SYNRG: variants seen among roughly 807,000 people sequenced by gnomAD.
SYNRG encodes the protein synergin gamma, also known as AP1 gamma subunit binding protein 1.
In SYNRG, 37 loss-of-function variants were observed where a neutral mutation model predicts 130.9. The observed-to-expected ratio is 0.28, with a 90% CI of 0.22 to 0.37. The LOEUF is 0.37. SYNRG is among the 10% of genes least tolerant of loss of function. The pLI is 1.00. For synonymous variants in SYNRG, 539 were observed against 568.1 expected, an observed-to-expected ratio of 0.95 and a Z score of 0.73; for missense variants, 1,338 against 1,588.9, an observed-to-expected ratio of 0.84 and a Z score of 2.68.
intron 6 of SYNRG, among the ~76,000 whole-genome samples, chr17:37,582,176 A>G (rs2061389518): frequency 6.6e-6 from 1 of 152,058 alleles, no homozygotes; most frequent in Non-Finnish European, 1.5e-5. Flanking sequence ...CTTTTTTTTA[A>G]GAAATGGCTC....
chr17:37,588,588 C>T (rs1399852624), intron 3 of SYNRG, among the ~76,000 whole-genome samples: 1 of 152,148 alleles, frequency 6.6e-6, no homozygotes, highest in Non-Finnish European at 1.5e-5. Flanking sequence ...TGGAGGGTTT[C>T]TAGCACTGTA....
At chr17:37,565,050 G>C (rs1484111915) in intron 11 of SYNRG, among the ~76,000 whole-genome samples, 1 of 152,160 alleles carries the variant, frequency 6.6e-6, no homozygotes, top group Non-Finnish European at 1.5e-5. Context: ...GATCACCTGA[G>C]GTCAGGAGTT....
At chr17:37,607,955 C>CAAAAAAAAAAAAAAAA (rs67822733) in intron 1 of SYNRG, among the ~76,000 whole-genome samples, 1 of 51,122 alleles carries the variant, frequency 2.0e-5, no homozygotes, top group African/African-American at 5.4e-5. Flanking sequence ...GACTTCCTCT[C>CAAAAAAAAAAAAAAAA]AAAAAAAAAA....
At chr17:37,542,970 T>C (rs2057911553) in intron 14 of SYNRG, among the ~76,000 whole-genome samples, 1 of 152,210 alleles carries the variant, frequency 6.6e-6, no homozygotes, top group Admixed American at 6.5e-5. Context: ...AAATGTGCCT[T>C]TAAAACATGG....
chr17:37,556,256 C>T (rs2059114356), intron 13 of SYNRG, among the ~76,000 whole-genome samples: 1 of 152,000 alleles, frequency 6.6e-6, no homozygotes, highest in South Asian at 2.1e-4. Flanking sequence ...TTGAGACCAG[C>T]CTGGCCAACA....
intron 3 of SYNRG, among the ~76,000 whole-genome samples, chr17:37,595,323 A>G (rs981083375): frequency 1.3e-5 from 2 of 152,262 alleles, no homozygotes; most frequent in African/African-American, 4.8e-5. Context: ...ACTGTATAAA[A>G]GTATATACTG....
At chr17:37,601,315 C>T (rs914952516) in intron 1 of SYNRG, among the ~76,000 whole-genome samples, 6 of 152,050 alleles carry the variant, frequency 3.9e-5, no homozygotes, top group African/African-American at 9.7e-5. Context: ...GTGATCCACC[C>T]GCCTCGGCCT....
intron 15 of SYNRG, chr17:37,541,234 T>A (rs1438130232): frequency 1.3e-5 from 13 of 985,252 alleles, no homozygotes; most frequent in African/African-American, 3.5e-5. Context: ...AGTCTCTCAA[T>A]CCAGTTGAAA....
chr17:37,535,008 A>T (rs2057052453), intron 19 of SYNRG, among the ~76,000 whole-genome samples: 1 of 152,224 alleles, frequency 6.6e-6, no homozygotes, highest in Non-Finnish European at 1.5e-5. Context: ...AATAGGTATG[A>T]ATATATAAAA....
chr17:37,528,365 G>T (rs1417738470), intron 19 of SYNRG, among the ~76,000 whole-genome samples: 1 of 151,960 alleles, frequency 6.6e-6, no homozygotes, highest in Non-Finnish European at 1.5e-5. Flanking sequence ...GATTACATGG[G>T]GTTACCAGGA....
chr17:37,540,432 G>A lies in SYNRG; in HGVS notation c.3314C>T (p.Pro1105Leu), dbSNP rs1283232816. ...RDRSNTLNEK[P>L]ALPVIRDKYK... ...CTTGTCTCGGATGACGGGCAGGGCG[G>A]GCTTCTCATTCAGAGTATTGGAACG... The change falls in exon 16 of 22, where the codon CCC becomes CTC. Residue 1105 changes from proline to leucine, a missense_variant. Physicochemically the swap from Pro to Leu is moderately conservative, Grantham distance 98. Coordinates refer to ENST00000612223, the MANE Select transcript of SYNRG (RefSeq NM_007247.6). The A allele has an allele frequency of 6.2e-7, 1 of 1,613,848 alleles. No individual in the cohort carries two copies. Among genetic ancestry groups the A allele is most frequent in the Non-Finnish European group, 8.5e-7 (1 of 1,179,926 alleles).
intron 1 of SYNRG, among the ~76,000 whole-genome samples, chr17:37,601,659 A>T (rs2063298701): frequency 6.6e-6 from 1 of 151,858 alleles, no homozygotes; most frequent in African/African-American, 2.4e-5. Context: ...TAAGCTGACA[A>T]CTTTATTTTT....
intron 15 of SYNRG, 87 bp from the exon 16 acceptor site, chr17:37,540,630 CTTTTTTT>C (rs767724523): frequency 5.3e-5 from 37 of 695,912 alleles, no homozygotes; most frequent in African/African-American, 2.4e-4. Flanking sequence ...CAACCCTCTT[CTTTTTTT>C]TTTTTTTTTT....
At chr17:37,533,934 T>TC (rs2056928231) in intron 19 of SYNRG, among the ~76,000 whole-genome samples, 1 of 119,484 alleles carries the variant, frequency 8.4e-6, no homozygotes, top group African/African-American at 3.2e-5. Context: ...TTCTTTTTTT[T>TC]TTTTTTTTTT....
chr17:37,540,587 CT>C, intron 15 of SYNRG, 44 bp from the exon 16 acceptor site: 1 of 1,581,516 alleles, frequency 6.3e-7, no homozygotes, highest in Non-Finnish European at 8.6e-7. Context: ...GGCTACTCAC[CT>C]TAGTTCAGGC....
At chr17:37,525,782 A>G (rs949343674) in intron 19 of SYNRG, among the ~76,000 whole-genome samples, 9 of 152,248 alleles carry the variant, frequency 5.9e-5, no homozygotes, top group Non-Finnish European at 8.8e-5. Flanking sequence ...CCTGGCCAAC[A>G]TGGTGAAACC....
chr17:37,601,438 TG>T (rs1346156725), intron 1 of SYNRG, among the ~76,000 whole-genome samples: 2 of 152,214 alleles, frequency 1.3e-5, no homozygotes, highest in African/African-American at 4.8e-5. Context: ...ATTGTTATTG[TG>T]GTAACATATA....
chr17:37,546,339 C>T (rs1428447038), intron 14 of SYNRG, among the ~76,000 whole-genome samples: 1 of 152,186 alleles, frequency 6.6e-6, no homozygotes, highest in Non-Finnish European at 1.5e-5. Context: ...ATTTCCAGTT[C>T]TGCTGCAAAA....
At chr17:37,606,260 C>T (rs544745632) in intron 1 of SYNRG, among the ~76,000 whole-genome samples, 4 of 152,292 alleles carry the variant, frequency 2.6e-5, no homozygotes, top group African/African-American at 9.6e-5. Flanking sequence ...TGACCGCTTC[C>T]TCTTCCTCTA....
Sources: allele counts gnomAD v4.1 joint callset (sites outside exome capture counted in the v4.1 genomes callset), GRCh38; gene constraint gnomAD v4.1.1; transcripts MANE v1.5; gene names NCBI Gene and HGNC (gene_info 2026-07-23, HGNC 2026-07-21).